The following PAWR variants were observed in gnomAD, a reference collection of about 807,000 sequenced individuals.
The protein encoded by PAWR is PRKC apoptosis WT1 regulator protein.
PAWR carries 23 observed loss-of-function variants against 32.0 expected under a neutral mutation model. The ratio of observed to expected loss-of-function variants is 0.72; its 90% CI spans 0.52 to 1.02. The LOEUF (loss-of-function observed/expected upper bound fraction) is 1.02. Ranked by LOEUF, PAWR falls within the 50% of genes least tolerant of loss-of-function variation. The probability of loss-of-function intolerance (pLI) is 0.00; values close to 1 mark genes in which losing one functional copy is unlikely to be tolerated. For synonymous variants in PAWR, 226 were observed against 187.1 expected (o/e 1.21, Z -1.70); for missense variants, 457 against 437.7 (o/e 1.04, Z -0.39).
intron 2 of PAWR, among the ~76,000 whole-genome samples, chr12:79,667,151 C>CA (rs1333048335): frequency 6.6e-6 from 1 of 152,204 alleles, no homozygotes; most frequent in Non-Finnish European, 1.5e-5. Flanking sequence ...GGCTGTGTCA[C>CA]AGGTGCATCC....
intron 2 of PAWR, among the ~76,000 whole-genome samples, chr12:79,670,267 TA>T (rs2136849447): frequency 6.6e-6 from 1 of 152,260 alleles, no homozygotes; most frequent in South Asian, 2.1e-4. Flanking sequence ...AAAATGCAAG[TA>T]AAGTTACTAA....
intron 6 of PAWR, among the ~76,000 whole-genome samples, chr12:79,593,475 C>A (rs948907171): frequency 2.0e-5 from 3 of 151,832 alleles, no homozygotes; most frequent in African/African-American, 7.3e-5. Flanking sequence ...TTACAAGAAA[C>A]ATTATTTCAA....
In PAWR at chr12:79,613,560, C is replaced by A; in HGVS notation, c.683+15G>T. 2 of 1,428,642 alleles carry A rather than the reference C, an allele frequency of 1.4e-6. No homozygotes were observed. Among genetic ancestry groups the A allele is most frequent in the African/African-American group, 1.4e-5 (1 of 71,350 alleles). The allele number at this position is 1,428,642 out of a possible 1,614,324, so 88.5% of individuals were successfully genotyped here. On this transcript the variant is annotated intron_variant, in intron 4 of 6. Transcript: ENST00000328827. ...ATTCATGTCTACAATATGTTTAAGTCATAAGGATTCTTACCTTTTATATCT... is the reference window on the plus strand; with the variant it reads ...ATTCATGTCTACAATATGTTTAAGTAATAAGGATTCTTACCTTTTATATCT...
In PAWR at chr12:79,589,430, A is replaced by G. The variant is rs1238141991; in HGVS notation, c.*3177T>C. 1 of 152,108 alleles carries G rather than the reference A, an allele frequency of 6.6e-6. No individual in the cohort carries two copies. Among genetic ancestry groups the G allele is most frequent in the Non-Finnish European group, 1.5e-5 (1 of 67,978 alleles). 9.4% of individuals were successfully genotyped at this position (152,108 alleles called of 1,614,324 possible). A position where few individuals can be genotyped will look rare whatever the true frequency, so the allele number is the denominator to read the frequency against. On this transcript the variant is annotated 3_prime_UTR_variant, in exon 7 of 7. Transcript: ENST00000328827. ...GTAACCGAGGTAGGTTTTTCACCTT[A>G]AGAATACATTGCTTCTACCACAATT...
intron 2 of PAWR, among the ~76,000 whole-genome samples, chr12:79,657,531 C>T (rs1366955455): frequency 6.6e-6 from 1 of 152,138 alleles, no homozygotes; most frequent in Non-Finnish European, 1.5e-5. Context: ...GTGGCTCACG[C>T]CCGTAATCCC....
chr12:79,687,589 T>C lies in PAWR; in HGVS notation c.516+2140A>G, dbSNP rs188837299. ...ATTTTCATCTTTTTACTTATTTTCA[T>C]ACCCGAAAAATTTGCAAAATATGTA... On this transcript the variant is annotated intron_variant, in intron 2 of 6. Transcript: ENST00000328827. 4.8e-3 allele frequency among the ~76,000 whole-genome samples: 736 copies of C among 152,270 alleles called. 6 individuals carry two copies. Among genetic ancestry groups the C allele is most frequent in the African/African-American group, 0.017 (699 of 41,556 alleles).
chr12:79,651,171 C>T (rs1239030446), intron 2 of PAWR, among the ~76,000 whole-genome samples: 3 of 152,108 alleles, frequency 2.0e-5, no homozygotes, highest in Non-Finnish European at 4.4e-5. Context: ...AATGCATAAT[C>T]ACATAAATAA....
At chr12:79,607,567 A>G (rs944598834) in intron 4 of PAWR, among the ~76,000 whole-genome samples, 3 of 151,836 alleles carry the variant, frequency 2.0e-5, no homozygotes, top group Non-Finnish European at 4.4e-5. Flanking sequence ...TGTCTCTACA[A>G]AAAATTTAAA....
chr12:79,626,365 T>C (rs1875319194), intron 2 of PAWR, among the ~76,000 whole-genome samples: 1 of 148,550 alleles, frequency 6.7e-6, no homozygotes, highest in African/African-American at 2.5e-5. Flanking sequence ...GTTCACACCA[T>C]ACTCCTGCCT....
intron 2 of PAWR, among the ~76,000 whole-genome samples, chr12:79,634,941 T>C (rs1262570695): frequency 1.3e-5 from 2 of 152,146 alleles, no homozygotes; most frequent in East Asian, 1.9e-4. Context: ...TTTCCAAGTT[T>C]ACACCTCAGT....
At chr12:79,638,790 G>GGTGTGTGTGTGTGTGT (rs34039182) in intron 2 of PAWR, among the ~76,000 whole-genome samples, 36 of 105,274 alleles carry the variant, frequency 3.4e-4, no homozygotes, top group African/African-American at 1.3e-3. Flanking sequence ...TTATATTTGG[G>GGTGTGTGTGTGTGTGT]GTGTGTGTGT....
intron 2 of PAWR, chr12:79,635,703 C>T (rs553960601): frequency 1.3e-5 from 2 of 152,198 alleles, no homozygotes; most frequent in East Asian, 1.9e-4. Context: ...AACTGTAAAA[C>T]TATTCATATT....
At chr12:79,632,859 C>T (rs1481407240) in intron 2 of PAWR, among the ~76,000 whole-genome samples, 6 of 152,064 alleles carry the variant, frequency 3.9e-5, no homozygotes, top group South Asian at 2.1e-4. Flanking sequence ...CATAGCCGGA[C>T]ACGGTGGCTC....
chr12:79,688,285 A>T (rs1043800925), intron 2 of PAWR: 1 of 152,080 alleles, frequency 6.6e-6, no homozygotes, highest in Admixed American at 6.5e-5. Context: ...AAAAAAAGTG[A>T]AGTTTAACAT....
intron 2 of PAWR, among the ~76,000 whole-genome samples, chr12:79,650,266 A>G (rs1168263578): frequency 6.6e-6 from 1 of 152,242 alleles, no homozygotes; most frequent in African/African-American, 2.4e-5. Flanking sequence ...ACACATTTTA[A>G]GCAAATTTTG....
intron 2 of PAWR, among the ~76,000 whole-genome samples, chr12:79,646,880 T>G (rs1334481444): frequency 1.3e-5 from 2 of 152,086 alleles, no homozygotes; most frequent in African/African-American, 2.4e-5. Context: ...CAAATAAATA[T>G]TAACATAGGC....
At chr12:79,682,124 C>G (rs557914559) in intron 2 of PAWR, among the ~76,000 whole-genome samples, 6 of 152,090 alleles carry the variant, frequency 3.9e-5, no homozygotes, top group Non-Finnish European at 7.4e-5. Flanking sequence ...TTTATTTATC[C>G]TATTCTCTTA....
At chr12:79,623,569 CA>C (rs1875134067) in intron 2 of PAWR, among the ~76,000 whole-genome samples, 1 of 151,748 alleles carries the variant, frequency 6.6e-6, no homozygotes. Context: ...TAGCCAGTTA[CA>C]AAATTTTTAG....
At position 79,589,615 on chromosome 12, in the gene PAWR, C is replaced by T. The variant is rs1291605232; in HGVS notation, c.*2992G>A. On this transcript the variant is annotated 3_prime_UTR_variant, in exon 7 of 7. Coordinates refer to ENST00000328827, the MANE Select transcript of PAWR (RefSeq NM_002583.4). ...ATAAATACACACCCAAAAGCCCTTC[C>T]CTCCTTCTCTAATGGTAACTGTTGT... The T allele has an allele frequency of 1.3e-5, 2 of 152,054 alleles. No individual in the cohort carries two copies. The highest frequency in any genetic ancestry group is 2.9e-5 in the Non-Finnish European group (2 of 67,998). The allele number at this position is 152,054 out of a possible 1,614,324, so 9.4% of individuals were successfully genotyped here. A position where few individuals can be genotyped will look rare whatever the true frequency, so the allele number is the denominator to read the frequency against.
Sources: gnomAD v4.1 joint callset for allele counts (sites outside exome capture counted in the v4.1 genomes callset) on GRCh38, gnomAD v4.1.1 for gene constraint, MANE v1.5 for transcripts, NCBI Gene and HGNC (gene_info 2026-07-23, HGNC 2026-07-21) for gene names.